FBXO47: variants seen among roughly 807,000 people sequenced by gnomAD.
FBXO47 encodes the protein F-box protein 47, also known as F-box only protein 47.
FBXO47 carries 34 observed loss-of-function variants against 53.9 expected under a neutral mutation model. That is an observed-to-expected ratio of 0.63 (90% CI 0.48 to 0.84). FBXO47 has a LOEUF of 0.84. Ranked by LOEUF, FBXO47 falls within the 40% of genes least tolerant of loss-of-function variation. The probability of loss-of-function intolerance (pLI) is 0.00; values close to 1 mark genes in which losing one functional copy is unlikely to be tolerated. For synonymous variants in FBXO47, 165 were observed against 181.6 expected (o/e 0.91, Z 0.73); for missense variants, 485 against 541.3 (o/e 0.90, Z 1.03).
At position 38,946,969 on chromosome 17, in the gene FBXO47, T is replaced by TAAATATATGTAAATATATAAACATATAC. The variant is rs1904953071; in HGVS notation, c.617-1834_617-1833insGTATATGTTTATATATTTACATATATTT. Among the ~76,000 whole-genome samples the TAAATATATGTAAATATATAAACATATAC allele has an allele frequency of 3.7e-5, 4 of 108,854 alleles. 1 individual carries two copies. Among genetic ancestry groups the TAAATATATGTAAATATATAAACATATAC allele is most frequent in the South Asian group, 6.2e-4 (2 of 3,234 alleles). 71.4% of individuals were successfully genotyped at this position (108,854 alleles called of 152,430 possible). On this transcript the variant is annotated intron_variant, in intron 6 of 10. Transcript: ENST00000378079. ...ACATATATAAATATATAAACATATA[T>TAAATATATGTAAATATATAAACATATAC]AAATATATGTAAATATATATAAACA...
At chr17:38,957,628 A>G (rs1905614540) in intron 3 of FBXO47, among the ~76,000 whole-genome samples, 1 of 151,958 alleles carries the variant, frequency 6.6e-6, no homozygotes, top group Non-Finnish European at 1.5e-5. Flanking sequence ...AATTAACCTC[A>G]TGTCCACAAA....
At chr17:38,943,819 A>G in intron 7 of FBXO47, 83 bp from the exon 8 acceptor site, 2 of 1,185,292 alleles carry the variant, frequency 1.7e-6, no homozygotes, top group Non-Finnish European at 2.4e-6. Flanking sequence ...TGAATTGCAC[A>G]ATGGAATCCC....
intron 8 of FBXO47, among the ~76,000 whole-genome samples, chr17:38,943,148 TCTC>T (rs760217495): frequency 4.4e-4 from 67 of 152,268 alleles, no homozygotes; most frequent in Non-Finnish European, 2.8e-4. Flanking sequence ...ACAAAGCAAT[TCTC>T]CTACACATAG....
intron 9 of FBXO47, among the ~76,000 whole-genome samples, chr17:38,940,503 T>A (rs915932654): frequency 2.0e-5 from 3 of 151,754 alleles, no homozygotes; most frequent in African/African-American, 7.3e-5. Context: ...TTACCTAGCC[T>A]CTCCCTTCAT....
chr17:38,955,726 G>A (rs764942970), intron 4 of FBXO47, among the ~76,000 whole-genome samples: 2 of 151,674 alleles, frequency 1.3e-5, no homozygotes, highest in Non-Finnish European at 2.9e-5. Context: ...TTGGGAGGCC[G>A]AGGTGGGAGG....
intron 9 of FBXO47, among the ~76,000 whole-genome samples, chr17:38,939,276 G>A (rs1904383006): frequency 9.6e-6 from 1 of 103,714 alleles, no homozygotes; most frequent in African/African-American, 3.9e-5. Context: ...CTGGGGGACA[G>A]AGCCAGACTC....
intron 1 of FBXO47, among the ~76,000 whole-genome samples, chr17:38,965,734 T>G (rs1485489876): frequency 1.4e-5 from 1 of 71,088 alleles, no homozygotes; most frequent in Non-Finnish European, 3.1e-5. Flanking sequence ...AAAAAAAAAA[T>G]TAGCCGGGCA....
intron 9 of FBXO47, 36 bp from the exon 10 acceptor site, chr17:38,938,768 G>A: frequency 6.7e-7 from 1 of 1,483,096 alleles, no homozygotes. Flanking sequence ...AAACCTTCAT[G>A]TGAAGAAAGC....
At chr17:38,964,304 A>G (rs1905977084) in intron 1 of FBXO47, among the ~76,000 whole-genome samples, 2 of 152,034 alleles carry the variant, frequency 1.3e-5, no homozygotes, top group East Asian at 3.9e-4. Context: ...TACTAAAAAT[A>G]CAAAAATTAG....
At chr17:38,943,041 T>A in intron 8 of FBXO47, 121 bp from the exon 9 acceptor site, 1 of 941,208 alleles carries the variant, frequency 1.1e-6, no homozygotes, top group East Asian at 2.6e-5. Context: ...AGGGAAATGC[T>A]CAGAAAAAAA....
intron 3 of FBXO47, among the ~76,000 whole-genome samples, chr17:38,959,331 C>T (rs1474148060): frequency 6.6e-6 from 1 of 151,430 alleles, no homozygotes. Context: ...TCCTGTAATC[C>T]CAGCACTTTG....
chr17:38,946,614 C>CTATATAAATATATATTCA lies in FBXO47; in HGVS notation c.617-1479_617-1478insTGAATATATATTTATATA, dbSNP rs1904878449. On this transcript the variant is annotated intron_variant, in intron 6 of 10. Coordinates refer to ENST00000378079, the MANE Select transcript of FBXO47 (RefSeq NM_001008777.3). ...TATATAAATATATGAATATATATAA[C>CTATATAAATATATATTCA]TATATAAATATATATGAATATATAA... Among the ~76,000 whole-genome samples, 2 of 9,840 alleles carry CTATATAAATATATATTCA rather than the reference C, an allele frequency of 2.0e-4. 1 individual carries two copies. The highest frequency in any genetic ancestry group is 6.4e-3 in the South Asian group (2 of 312). The allele number at this position is 9,840 out of a possible 152,430, so 6.5% of individuals were successfully genotyped here. A position where few individuals can be genotyped will look rare whatever the true frequency, so the allele number is the denominator to read the frequency against.
chr17:38,954,087 G>A (rs181672605), intron 5 of FBXO47, among the ~76,000 whole-genome samples: 3 of 152,066 alleles, frequency 2.0e-5, no homozygotes, highest in African/African-American at 7.2e-5. Context: ...GAGGTCAGGA[G>A]TTCGAGACCA....
intron 7 of FBXO47, 81 bp downstream of exon 7, chr17:38,944,879 A>G: frequency 2.8e-6 from 2 of 708,794 alleles, no homozygotes; most frequent in Non-Finnish European, 2.1e-6. Context: ...TGTATAATAT[A>G]TGCTTCCTAA....
chr17:38,961,529 G>A (rs1013298480), intron 3 of FBXO47, among the ~76,000 whole-genome samples: 2 of 152,186 alleles, frequency 1.3e-5, no homozygotes, highest in African/African-American at 4.8e-5. Context: ...ACTAGATTAT[G>A]GTTGAAAGGG....
chr17:38,939,323 A>ATATAT (rs761104470), intron 9 of FBXO47, among the ~76,000 whole-genome samples: 1 of 50,170 alleles, frequency 2.0e-5, no homozygotes, highest in African/African-American at 7.5e-5. Flanking sequence ...AAAAAAAAAA[A>ATATAT]ATATATATAT....
At chr17:38,947,009 T>C (rs1904958064) in intron 6 of FBXO47, among the ~76,000 whole-genome samples, 1 of 136,350 alleles carries the variant, frequency 7.3e-6, no homozygotes, top group Non-Finnish European at 1.5e-5. Context: ...CAAATATATG[T>C]AAATATATAT....
intron 1 of FBXO47, among the ~76,000 whole-genome samples, chr17:38,964,511 G>A (rs1297334270): frequency 1.3e-5 from 2 of 151,766 alleles, no homozygotes; most frequent in East Asian, 3.9e-4. Flanking sequence ...CAGGAAAATT[G>A]CTGGAACCTG....
chr17:38,963,878 T>C (rs73301159), intron 1 of FBXO47, among the ~76,000 whole-genome samples: 5,017 of 146,656 alleles, frequency 0.034, 243 homozygotes, highest in African/African-American at 0.1. Flanking sequence ...CTCATTGCAG[T>C]CTTGAACTCT....
Sources: allele counts gnomAD v4.1 joint callset (sites outside exome capture counted in the v4.1 genomes callset), GRCh38; gene constraint gnomAD v4.1.1; transcripts MANE v1.5; gene names NCBI Gene and HGNC (gene_info 2026-07-23, HGNC 2026-07-21).